CSNK1E: variants seen among roughly 807,000 people sequenced by gnomAD.
The protein encoded by CSNK1E is casein kinase I isoform epsilon.
CSNK1E carries 17 observed loss-of-function variants against 46.1 expected under a neutral mutation model. The observed-to-expected ratio is 0.37, with a 90% confidence interval of 0.25 to 0.55. The LOEUF is 0.55. Among genes scored for constraint, CSNK1E ranks in the 20% least tolerant of loss-of-function variants. The probability of loss-of-function intolerance (pLI) is 0.82; values close to 1 mark genes in which losing one functional copy is unlikely to be tolerated. For missense variants in CSNK1E, 386 were observed against 595.4 expected, an observed-to-expected ratio of 0.65 and a Z score of 3.66; for synonymous variants, 241 against 242.6, an observed-to-expected ratio of 0.99 and a Z score of 0.06.
Position 38,294,554 on chromosome 22 carries a change from G to T in CSNK1E, c.886-20C>A. On this transcript the variant is annotated intron_variant, in intron 7 of 10. Transcript: ENST00000396832. This position sits in a 1 kb window ranked among gnomAD's most constrained non-coding sequence, Gnocchi z 5.5. ...TGCACCCTGCAGGGATGCAAGAAAAGACACCAGTCAGCCCCAGAGGCCAGG... is the reference window on the plus strand; with the variant it reads ...TGCACCCTGCAGGGATGCAAGAAAATACACCAGTCAGCCCCAGAGGCCAGG... 1 of 1,565,232 alleles carries T rather than the reference G, an allele frequency of 6.4e-7. No individual in the cohort carries two copies.
chr22:38,316,895 G>C (rs2092749229), intron 1 of CSNK1E: 1 of 151,894 alleles, frequency 6.6e-6, no homozygotes, highest in Admixed American at 6.5e-5. Context: ...AGGGCCCAGC[G>C]GGGGGAAGCG....
At chr22:38,293,434 G>A in intron 9 of CSNK1E, 115 bp from the exon 10 acceptor site, 1 of 676,120 alleles carries the variant, frequency 1.5e-6, no homozygotes, top group South Asian at 1.7e-5. Context: ...CCACTGAGGA[G>A]GTGTACCCCC....
intron 9 of CSNK1E, chr22:38,293,837 T>C (rs532047949): frequency 4.6e-5 from 24 of 516,940 alleles, no homozygotes; most frequent in African/African-American, 4.2e-4. Context: ...CTGCCCACCC[T>C]GGCTGGGCCC....
In CSNK1E at chr22:38,299,952, G is replaced by T; in HGVS notation, c.679C>A (p.Arg227=). 6.2e-7 allele frequency: 1 copy of T among 1,614,196 alleles called. No homozygotes were observed. The highest frequency in any genetic ancestry group is 8.5e-7 in the Non-Finnish European group (1 of 1,180,028). The part of the protein sequence containing the change: ...KAATKRQKYE[R]ISEKKMSTPI... ...GTTGACATCTTCTTCTCGCTGATCC[G>T]TTCATACTTCTGGCGCTTGGTGGCT... The change falls in exon 6 of 11, where the codon CGG becomes AGG. Residue 227 remains arginine, a synonymous_variant. Transcript: ENST00000396832.
chr22:38,314,016 G>C, intron 2 of CSNK1E, 66 bp downstream of exon 2: 1 of 1,402,656 alleles, frequency 7.1e-7, no homozygotes, highest in Non-Finnish European at 1.0e-6. Context: ...CAAATCCTGG[G>C]GTCTTTCCTC....
At chr22:38,313,076 C>T (rs537587052) in intron 2 of CSNK1E, among the ~76,000 whole-genome samples, 2 of 152,310 alleles carry the variant, frequency 1.3e-5, no homozygotes, top group South Asian at 2.1e-4. Flanking sequence ...TCTCCGTCCC[C>T]GTCTCCATTG....
rs777087661 is a variant in CSNK1E at position 38,300,700 on chromosome 22, C to T, written c.565+24G>A. ...CCCAGCCAGTGGCCCCGGGTGCACA[C>T]TGCTCCAGGCCTGGCTCCCTCACCA... On this transcript the variant is annotated intron_variant, in intron 5 of 10. Coordinates refer to ENST00000396832, the MANE Select transcript of CSNK1E (RefSeq NM_152221.3). The surrounding 1 kb of genome is among the most constrained non-coding windows in gnomAD (Gnocchi z 4.4). 6 of 1,610,022 alleles carry T rather than the reference C, an allele frequency of 3.7e-6. No individual in the cohort carries two copies. Among genetic ancestry groups the T allele is most frequent in the Non-Finnish European group, 4.2e-6 (5 of 1,176,708 alleles).
rs2092711490 is a variant in CSNK1E at position 38,309,355 on chromosome 22, C to T, written c.76+4727G>A. ...GGGCCTGCAGCACTTGGTGATTCGG[C>T]AGATGTGTGCAGGGAGGAGAGGTGC... On this transcript the variant is annotated intron_variant, in intron 2 of 10. Transcript: ENST00000396832. The surrounding 1 kb of genome is among the most constrained non-coding windows in gnomAD (Gnocchi z 4.8). 6.6e-6 allele frequency among the ~76,000 whole-genome samples: 1 copy of T among 152,198 alleles called. No homozygotes were observed. Among genetic ancestry groups the T allele is most frequent in the African/African-American group, 2.4e-5 (1 of 41,462 alleles).
At chr22:38,306,835 T>C (rs988010320) in intron 2 of CSNK1E, among the ~76,000 whole-genome samples, 3 of 152,100 alleles carry the variant, frequency 2.0e-5, no homozygotes, top group Non-Finnish European at 4.4e-5. Flanking sequence ...GATTCAACCA[T>C]GGATCAAAAA....
rs1016811039 is a variant in CSNK1E, at chr22:38,300,194, G to A, written c.566-129C>T. 2.2e-5 allele frequency: 18 copies of A among 810,050 alleles called. No individual in the cohort carries two copies. Among genetic ancestry groups the A allele is most frequent in the South Asian group, 1.3e-4 (7 of 55,090 alleles). The allele number at this position is 810,050 out of a possible 1,614,324, so 50.2% of individuals were successfully genotyped here. A position where few individuals can be genotyped will look rare whatever the true frequency, so the allele number is the denominator to read the frequency against. ...CCACGTCGGATGTTGCTCACTGCAC[G>A]CATTTTAAACAGGCACTGCTATTAT... On this transcript the variant is annotated intron_variant, in intron 5 of 10. Coordinates refer to ENST00000396832, the MANE Select transcript of CSNK1E (RefSeq NM_152221.3). This position sits in a 1 kb window ranked among gnomAD's most constrained non-coding sequence, Gnocchi z 4.4.
At chr22:38,314,935 C>T (rs991728872) in intron 1 of CSNK1E, among the ~76,000 whole-genome samples, 4 of 152,172 alleles carry the variant, frequency 2.6e-5, no homozygotes, top group Non-Finnish European at 5.9e-5. Context: ...AGTCCGGACA[C>T]CCTGTTCCTG....
intron 1 of CSNK1E, among the ~76,000 whole-genome samples, chr22:38,315,612 C>G (rs2092741039): frequency 1.3e-5 from 2 of 151,310 alleles, no homozygotes; most frequent in African/African-American, 2.4e-5. Context: ...AGCAGGCACA[C>G]ACAGTGAGCC....
intron 1 of CSNK1E, 48 bp from the exon 2 acceptor site, chr22:38,314,217 A>T: frequency 1.3e-6 from 2 of 1,491,094 alleles, no homozygotes; most frequent in South Asian, 2.3e-5. Context: ...GGGAGCCGGG[A>T]AAGGGGTCCA....
rs1466104014 is a variant in CSNK1E, at chr22:38,300,321, G to C, written c.566-256C>G. Among the ~76,000 whole-genome samples the C allele has an allele frequency of 6.6e-6, 1 of 152,214 alleles. No homozygotes were observed. The highest frequency in any genetic ancestry group is 1.9e-4 in the East Asian group (1 of 5,206). On this transcript the variant is annotated intron_variant, in intron 5 of 10. Coordinates refer to ENST00000396832, the MANE Select transcript of CSNK1E (RefSeq NM_152221.3). The surrounding 1 kb of genome is among the most constrained non-coding windows in gnomAD (Gnocchi z 4.4). ...TTAATCATTCAATGACTATGAGAGG[G>C]CACCTACTGCCCCCTTGCCTGGCCC...
chr22:38,295,436 A>AG (rs1456335391), intron 7 of CSNK1E: 2 of 978,798 alleles, frequency 2.0e-6, no homozygotes, highest in Non-Finnish European at 2.4e-6. Flanking sequence ...GCTGGCAGGA[A>AG]GGGGGCCGCA....
intron 7 of CSNK1E, chr22:38,296,740 G>C: frequency 6.3e-7 from 1 of 1,582,748 alleles, no homozygotes; most frequent in Non-Finnish European, 8.6e-7. Context: ...CTCCATAAGG[G>C]AGGAACCTAG....
chr22:38,294,300 C>G lies in CSNK1E; in HGVS notation c.1078+42G>C, dbSNP rs369259063. ...CAGAGTAGGCACAAACAGAGCCCCCCACCCACCCTGAACCCAGCCCACTGC... is the reference window on the plus strand; with the variant it reads ...CAGAGTAGGCACAAACAGAGCCCCCGACCCACCCTGAACCCAGCCCACTGC... On this transcript the variant is annotated intron_variant, in intron 8 of 10. Coordinates refer to ENST00000396832, the MANE Select transcript of CSNK1E (RefSeq NM_152221.3). This position sits in a 1 kb window ranked among gnomAD's most constrained non-coding sequence, Gnocchi z 5.5. 1.2e-4 allele frequency: 186 copies of G among 1,597,022 alleles called. 1 individual carries two copies. Among genetic ancestry groups the G allele is most frequent in the Non-Finnish European group, 1.5e-4 (181 of 1,173,118 alleles).
intron 2 of CSNK1E, among the ~76,000 whole-genome samples, chr22:38,311,190 G>A (rs776611222): frequency 2.0e-5 from 3 of 152,270 alleles, no homozygotes; most frequent in South Asian, 2.1e-4. Context: ...TATTTTACAC[G>A]CCACGACCTC....
chr22:38,300,587 G>C lies in CSNK1E; in HGVS notation c.565+137C>G, dbSNP rs1296444814. 5.0e-6 allele frequency: 4 copies of C among 800,718 alleles called. No individual in the cohort carries two copies. The highest frequency in any genetic ancestry group is 1.7e-5 in the African/African-American group (1 of 57,616). The allele number at this position is 800,718 out of a possible 1,614,324, so 49.6% of individuals were successfully genotyped here. On this transcript the variant is annotated intron_variant, in intron 5 of 10. Transcript: ENST00000396832. This position sits in a 1 kb window ranked among gnomAD's most constrained non-coding sequence, Gnocchi z 4.4. ...GGACACGGAATAAGCACGAGCTTGG[G>C]GGCAGACGGGGTGGGGACTTTCTCA...
Sources: allele counts gnomAD v4.1 joint callset (sites outside exome capture counted in the v4.1 genomes callset), GRCh38; gene constraint gnomAD v4.1.1; non-coding constraint Gnocchi (gnomAD v3.1); transcripts MANE v1.5; gene names NCBI Gene and HGNC (gene_info 2026-07-23, HGNC 2026-07-21).